TTC3: variants seen among roughly 807,000 people sequenced by gnomAD.
TTC3 encodes the protein tetratricopeptide repeat domain 3.
In TTC3, 180 loss-of-function variants were observed where a neutral mutation model predicts 249.6. The observed-to-expected ratio is 0.72, with a 90% CI of 0.64 to 0.82. The LOEUF (loss-of-function observed/expected upper bound fraction) is 0.82. Among genes scored for constraint, TTC3 ranks in the 40% least tolerant of loss-of-function variants. TTC3 has a pLI of 0.00. For missense variants in TTC3, 2,061 were observed against 2,398.4 expected (o/e 0.86, Z 2.94); for synonymous variants, 717 against 805.0 (o/e 0.89, Z 1.85).
intron 34 of TTC3, among the ~76,000 whole-genome samples, chr21:37,169,721 A>G (rs1293503073): frequency 6.6e-6 from 1 of 150,826 alleles, no homozygotes; most frequent in Non-Finnish European, 1.5e-5. Context: ...GGTGGTGGAC[A>G]CCTGTAACCC....
chr21:37,144,376 T>A (rs1703272893), intron 20 of TTC3, 149 bp from the exon 21 acceptor site: 7 of 930,050 alleles, frequency 7.5e-6, no homozygotes. Context: ...TTTGTTTTTT[T>A]AAAGAAAATT....
exon 33 of TTC3, chr21:37,165,887 G>C (rs1196916157): frequency 6.2e-7 from 1 of 1,614,100 alleles, no homozygotes; most frequent in Non-Finnish European, 8.5e-7. Flanking sequence ...ACCAGTGTCA[G>C]ATTCATCTTC....
rs756650873 is a variant in TTC3, at chr21:37,151,942, CA to C, written c.2334del (p.Glu779LysfsTer5). 61 of 1,598,858 alleles carry C rather than the reference CA, an allele frequency of 3.8e-5. No homozygotes were observed. Among genetic ancestry groups the C allele is most frequent in the Admixed American group, 2.3e-4 (13 of 57,082 alleles). On this transcript the variant is annotated frameshift_variant, in exon 26 of 46. Coordinates refer to ENST00000355666, the Ensembl canonical transcript of TTC3. LOFTEE classifies it high-confidence loss of function. ...AGACAAAAAATTGAAGAGAAAGATC[CA>C]AAAAAAAGAAGCAAAAAAGTTAGCA...
At chr21:37,176,886 T>A (rs2082326155) in intron 35 of TTC3, among the ~76,000 whole-genome samples, 1 of 152,160 alleles carries the variant, frequency 6.6e-6, no homozygotes, top group Admixed American at 6.5e-5. Context: ...ACGGCCTAGT[T>A]CAACTAACTG....
chr21:37,156,774 G>A, exon 28 of TTC3: 1 of 1,614,058 alleles, frequency 6.2e-7, no homozygotes, highest in Non-Finnish European at 8.5e-7. Context: ...CTCTATAGAA[G>A]GAAAGCAACT....
At chr21:37,091,650 C>G (rs2073287732) in intron 7 of TTC3, 2 of 164,222 alleles carry the variant, frequency 1.2e-5, no homozygotes, top group African/African-American at 4.8e-5. Flanking sequence ...GGTGCAGTCT[C>G]TGCTCACTGC....
chr21:37,079,525 T>TG (rs2071340915), intron 1 of TTC3, among the ~76,000 whole-genome samples: 2 of 129,016 alleles, frequency 1.6e-5, no homozygotes, highest in Admixed American at 8.2e-5. Context: ...TGGTTTTTTT[T>TG]TTTTTTTTTT....
At chr21:37,180,958 A>G (rs2082706755) in intron 35 of TTC3, among the ~76,000 whole-genome samples, 1 of 152,196 alleles carries the variant, frequency 6.6e-6, no homozygotes. Context: ...ATTGAGAAAA[A>G]GAAATTGTTT....
chr21:37,165,583 C>T, exon 33 of TTC3: 1 of 1,610,744 alleles, frequency 6.2e-7, no homozygotes, highest in Non-Finnish European at 8.5e-7. Flanking sequence ...AACATGGTCC[C>T]TTGGACATGA....
chr21:37,152,878 T>A (rs2079617722), intron 26 of TTC3, 73 bp from the exon 27 acceptor site: 1 of 1,195,186 alleles, frequency 8.4e-7, no homozygotes, highest in Non-Finnish European at 1.1e-6. Context: ...ATTATGTAAT[T>A]TTGTTATTTC....
chr21:37,151,979 T>C (rs750866466), exon 26 of TTC3: 1 of 1,605,328 alleles, frequency 6.2e-7, no homozygotes, highest in Non-Finnish European at 8.5e-7. Flanking sequence ...CAAGAAAGAA[T>C]GGAGGAGGAC....
chr21:37,141,308 T>C (rs1163331513), intron 20 of TTC3, among the ~76,000 whole-genome samples: 1 of 152,228 alleles, frequency 6.6e-6, no homozygotes, highest in Non-Finnish European at 1.5e-5. Flanking sequence ...TATGTTAGAT[T>C]ATAAAGAAAT....
chr21:37,092,557 T>C (rs1317306566), intron 7 of TTC3, among the ~76,000 whole-genome samples: 2 of 152,202 alleles, frequency 1.3e-5, no homozygotes, highest in African/African-American at 4.8e-5. Flanking sequence ...ACACTGACTT[T>C]GAGAGGTTAA....
intron 35 of TTC3, among the ~76,000 whole-genome samples, chr21:37,180,655 A>G (rs970419702): frequency 6.7e-6 from 1 of 148,904 alleles, no homozygotes; most frequent in African/African-American, 2.5e-5. Context: ...GATATACCTA[A>G]TGCTAGATGA....
chr21:37,147,667 C>T (rs1406284419), intron 22 of TTC3, 64 bp downstream of exon 22: 2 of 1,538,292 alleles, frequency 1.3e-6, no homozygotes, highest in African/African-American at 2.9e-5. Flanking sequence ...GGGCTCAAAA[C>T]AATCTGTAAT....
intron 8 of TTC3, among the ~76,000 whole-genome samples, chr21:37,095,135 A>ATGTGTGTGTGTGTGTGTG (rs201291680): frequency 3.9e-5 from 3 of 76,670 alleles, no homozygotes; most frequent in South Asian, 4.1e-4. Flanking sequence ...GTCTCTAAAA[A>ATGTGTGTGTGTGTGTGTG]TATGTGTGTG....
At chr21:37,108,527 C>T (rs2075305184) in intron 11 of TTC3, 81 bp downstream of exon 11, 1 of 1,321,228 alleles carries the variant, frequency 7.6e-7, no homozygotes, top group Non-Finnish European at 1.1e-6. Flanking sequence ...TGTGTTTGTT[C>T]ATAAAAATGC....
At chr21:37,192,752 A>G (rs1375239800) in intron 41 of TTC3, among the ~76,000 whole-genome samples, 1 of 152,206 alleles carries the variant, frequency 6.6e-6, no homozygotes, top group Admixed American at 6.5e-5. Flanking sequence ...CCGGCACATC[A>G]TATTTTACTA....
chr21:37,076,694 ATTTTTT>A (rs61629167), intron 1 of TTC3, among the ~76,000 whole-genome samples: 1,379 of 95,004 alleles, frequency 0.015, 31 homozygotes, highest in African/African-American at 0.059. Context: ...AAACAAAGGG[ATTTTTT>A]TTTTTTTTTT....
Sources: gnomAD v4.1 joint callset for allele counts (sites outside exome capture counted in the v4.1 genomes callset) on GRCh38, gnomAD v4.1.1 for gene constraint, MANE v1.5 for transcripts, NCBI Gene and HGNC (gene_info 2026-07-23, HGNC 2026-07-21) for gene names.